PTPRQ: variants seen among roughly 807,000 people sequenced by gnomAD.
PTPRQ encodes the protein phosphatidylinositol phosphatase PTPRQ.
In PTPRQ, 199 loss-of-function variants were observed where a neutral mutation model predicts 246.0. That is an observed-to-expected ratio of 0.81 (90% CI 0.72 to 0.91). The LOEUF is 0.91. Ranked by LOEUF, PTPRQ falls within the 40% of genes least tolerant of loss-of-function variation. The pLI is 0.00. For missense variants in PTPRQ, 2,624 were observed against 2,528.4 expected (o/e 1.04, Z -0.81); for synonymous variants, 869 against 853.2 (o/e 1.02, Z -0.32).
At chr12:80,569,182 A>G (rs1050517706) in intron 25 of PTPRQ, among the ~76,000 whole-genome samples, 8 of 143,022 alleles carry the variant, frequency 5.6e-5, no homozygotes, top group Admixed American at 2.2e-4. Flanking sequence ...TCATTGTTCA[A>G]TTCCCACCTA....
chr12:80,526,214 T>C (rs967289039), intron 17 of PTPRQ, among the ~76,000 whole-genome samples: 2 of 152,258 alleles, frequency 1.3e-5, no homozygotes, highest in African/African-American at 2.4e-5. Context: ...GAACCCAGAA[T>C]TGGCCATCTC....
intron 8 of PTPRQ, among the ~76,000 whole-genome samples, chr12:80,481,929 T>C (rs1225155942): frequency 6.9e-6 from 1 of 145,298 alleles, no homozygotes; most frequent in Non-Finnish European, 1.5e-5. Flanking sequence ...AGAATCAATA[T>C]CGTGAAAATG....
intron 14 of PTPRQ, among the ~76,000 whole-genome samples, chr12:80,498,335 T>A (rs992192096): frequency 2.2e-4 from 33 of 152,092 alleles, no homozygotes; most frequent in African/African-American, 7.7e-4. Flanking sequence ...AGCAATACAT[T>A]ATTGTTATCT....
In PTPRQ at chr12:80,460,922, G is replaced by C; in HGVS notation, c.910+20G>C. On this transcript the variant is annotated intron_variant, in intron 6 of 44. Transcript: ENST00000644991. The stretch of plus-strand genomic sequence containing the variant: ...AATCAGGTATGGTTCACTTTTTGTA[G>C]ATAAAAAGATTTAAATGATTAGAGA... The C allele has an allele frequency of 2.5e-6, 1 of 400,142 alleles. No homozygotes were observed. The highest frequency in any genetic ancestry group is 1.3e-4 in the South Asian group (1 of 7,706). 24.8% of individuals were successfully genotyped at this position (400,142 alleles called of 1,614,324 possible).
intron 38 of PTPRQ, among the ~76,000 whole-genome samples, chr12:80,655,742 C>T (rs1306261240): frequency 2.0e-5 from 3 of 151,984 alleles, no homozygotes; most frequent in African/African-American, 7.2e-5. Context: ...ATTTATTTTC[C>T]CTGCAGAGAT....
chr12:80,652,685 AG>A, intron 37 of PTPRQ, 58 bp from the exon 38 acceptor site: 1 of 1,423,634 alleles, frequency 7.0e-7, no homozygotes, highest in Non-Finnish European at 9.2e-7. Context: ...TCTTTTAATA[AG>A]TGAAATTTCT....
intron 15 of PTPRQ, 148 bp from the exon 16 acceptor site, chr12:80,506,421 A>T: frequency 1.2e-6 from 1 of 810,710 alleles, no homozygotes; most frequent in Non-Finnish European, 1.9e-6. Flanking sequence ...TGTCTTCATA[A>T]ATAAGAGCTA....
chr12:80,583,216 A>G (rs542514837), intron 25 of PTPRQ, among the ~76,000 whole-genome samples: 1 of 152,356 alleles, frequency 6.6e-6, no homozygotes, highest in East Asian at 1.9e-4. Flanking sequence ...CATTCAAAAA[A>G]CATTTATTGA....
chr12:80,478,728 T>TGCAGAAGCC (rs1454398581), intron 8 of PTPRQ, among the ~76,000 whole-genome samples: 2 of 152,026 alleles, frequency 1.3e-5, no homozygotes, highest in Non-Finnish European at 2.9e-5. Context: ...ACGTGAAGAA[T>TGCAGAAGCC]GCAGAAGCCT....
At chr12:80,608,818 C>A (rs1176893926) in intron 27 of PTPRQ, among the ~76,000 whole-genome samples, 1 of 150,420 alleles carries the variant, frequency 6.6e-6, no homozygotes, top group East Asian at 2.0e-4. Context: ...TGAATGGGAC[C>A]CAGGCCCCTT....
chr12:80,662,231 A>G (rs1406897224), intron 39 of PTPRQ, among the ~76,000 whole-genome samples: 1 of 151,962 alleles, frequency 6.6e-6, no homozygotes, highest in Admixed American at 6.6e-5. Flanking sequence ...TTCTAAAACT[A>G]ATTGTATCTG....
chr12:80,471,108 G>C lies in PTPRQ; in HGVS notation c.1040-997G>C, dbSNP rs1023028460. ...TTAGTAGATTACGACAACTGTGAGG[G>C]CTAGTGGATTTCACTGGTGATACAG... On this transcript the variant is annotated intron_variant, in intron 7 of 44. Transcript: ENST00000644991. Among the ~76,000 whole-genome samples the C allele has an allele frequency of 1.1e-4, 17 of 152,282 alleles. No homozygotes were observed. The East Asian group carries it at 3.3e-3, about 29-fold the overall frequency.
At chr12:80,663,644 A>G (rs1900700042) in intron 39 of PTPRQ, among the ~76,000 whole-genome samples, 1 of 151,970 alleles carries the variant, frequency 6.6e-6, no homozygotes, top group African/African-American at 2.4e-5. Flanking sequence ...TGTCATAATT[A>G]TTGATGATGT....
At chr12:80,561,830 C>A (rs577106716) in intron 25 of PTPRQ, among the ~76,000 whole-genome samples, 22 of 152,186 alleles carry the variant, frequency 1.4e-4, no homozygotes, top group African/African-American at 5.3e-4. Context: ...TGAATAAGAG[C>A]AATGAAAGAG....
intron 33 of PTPRQ, among the ~76,000 whole-genome samples, chr12:80,631,874 TG>T (rs1263852364): frequency 6.6e-6 from 1 of 152,128 alleles, no homozygotes; most frequent in African/African-American, 2.4e-5. Context: ...TAAAGACGTC[TG>T]GTAGGCAGTT....
chr12:80,466,852 C>G (rs1213573487), intron 6 of PTPRQ, among the ~76,000 whole-genome samples: 1 of 151,934 alleles, frequency 6.6e-6, no homozygotes, highest in South Asian at 2.1e-4. Context: ...ATACAAAAAT[C>G]AATTCAAGAT....
intron 25 of PTPRQ, among the ~76,000 whole-genome samples, chr12:80,558,419 C>T (rs1356749758): frequency 6.6e-5 from 10 of 150,512 alleles, no homozygotes; most frequent in Admixed American, 4.6e-4. Flanking sequence ...GTGCCCACCT[C>T]GGCCTCCCAA....
At chr12:80,552,710 C>T (rs1262911968) in intron 25 of PTPRQ, among the ~76,000 whole-genome samples, 4 of 118,330 alleles carry the variant, frequency 3.4e-5, no homozygotes, top group Non-Finnish European at 5.0e-5. Flanking sequence ...AATTTGAATT[C>T]CGTCTTAACT....
intron 25 of PTPRQ, among the ~76,000 whole-genome samples, chr12:80,552,747 G>C (rs1399381018): frequency 7.0e-6 from 1 of 143,762 alleles, no homozygotes; most frequent in East Asian, 2.1e-4. Flanking sequence ...CATATGTAGA[G>C]ATTGAGGGGA....
Sources: gnomAD v4.1 joint callset for allele counts (sites outside exome capture counted in the v4.1 genomes callset) on GRCh38, gnomAD v4.1.1 for gene constraint, MANE v1.5 for transcripts, NCBI Gene and HGNC (gene_info 2026-07-23, HGNC 2026-07-21) for gene names.